PGCKA1: variants seen among roughly 807,000 people sequenced by gnomAD.
PGCKA1 encodes the protein PDCD10 and GCKIII kinases associated 1.
At chr4:37,540,198 T>C in the PGCKA1 span, among the ~76,000 whole-genome samples, 1 of 152,230 alleles carries the variant, frequency 6.6e-6, no homozygotes, top group East Asian at 1.9e-4. Context: ...CTTATATGTA[T>C]TTGTGCATGC....
the PGCKA1 span, among the ~76,000 whole-genome samples, chr4:37,589,608 C>G: frequency 6.6e-6 from 1 of 152,158 alleles, no homozygotes; most frequent in Non-Finnish European, 1.5e-5. Flanking sequence ...CCTTTTGGCT[C>G]TCTTCTTAAG....
the PGCKA1 span, among the ~76,000 whole-genome samples, chr4:37,587,360 G>A: frequency 6.6e-6 from 1 of 152,182 alleles, no homozygotes; most frequent in Admixed American, 6.5e-5. Flanking sequence ...CCAGGGATTA[G>A]GATGTGGATA....
the PGCKA1 span, among the ~76,000 whole-genome samples, chr4:37,528,617 T>TA: frequency 4.6e-5 from 7 of 151,092 alleles, no homozygotes; most frequent in Admixed American, 1.3e-4. Context: ...TTTTAAAAAC[T>TA]AAAAAAAAAG....
the PGCKA1 span, among the ~76,000 whole-genome samples, chr4:37,537,144 A>G: frequency 6.6e-6 from 1 of 152,280 alleles, no homozygotes; most frequent in Non-Finnish European, 1.5e-5. Flanking sequence ...CTCATAAGAT[A>G]TAGATACTTA....
At chr4:37,457,586 T>G in the PGCKA1 span, among the ~76,000 whole-genome samples, 1 of 152,272 alleles carries the variant, frequency 6.6e-6, no homozygotes, top group Non-Finnish European at 1.5e-5. Flanking sequence ...TTCCCTCATT[T>G]GATAACTGAG....
At chr4:37,561,225 C>T in the PGCKA1 span, among the ~76,000 whole-genome samples, 1 of 152,182 alleles carries the variant, frequency 6.6e-6, no homozygotes, top group African/African-American at 2.4e-5. Flanking sequence ...CCTCTCTGAG[C>T]ATTCTTCCCA....
chr4:37,525,851 A>C, the PGCKA1 span, among the ~76,000 whole-genome samples: 1 of 152,196 alleles, frequency 6.6e-6, no homozygotes, highest in Non-Finnish European at 1.5e-5. Context: ...TCAATAAGCC[A>C]TTAATTTCAT....
chr4:37,460,375 ATGGTATTTC>A, the PGCKA1 span: 1 of 274,416 alleles, frequency 3.6e-6, no homozygotes, highest in Admixed American at 5.1e-5. Context: ...GCTGGGTTGA[ATGGTATTTC>A]TGGTTCTAGA....
chr4:37,496,240 T>C, the PGCKA1 span, among the ~76,000 whole-genome samples: 1 of 152,260 alleles, frequency 6.6e-6, no homozygotes, highest in African/African-American at 2.4e-5. Context: ...TTAGGGTTTT[T>C]ATAGTTTTGA....
chr4:37,572,461 G>A, the PGCKA1 span, among the ~76,000 whole-genome samples: 1 of 152,172 alleles, frequency 6.6e-6, no homozygotes, highest in East Asian at 1.9e-4. Context: ...TCTACCCAGA[G>A]TCCCTAAACA....
At chr4:37,574,943 T>C in the PGCKA1 span, among the ~76,000 whole-genome samples, 1 of 150,498 alleles carries the variant, frequency 6.6e-6, no homozygotes, top group African/African-American at 2.4e-5. Flanking sequence ...GTAAAGGAGC[T>C]CATTCTTTTT....
At chr4:37,477,113 T>C in the PGCKA1 span, among the ~76,000 whole-genome samples, 1 of 152,230 alleles carries the variant, frequency 6.6e-6, no homozygotes, top group Non-Finnish European at 1.5e-5. Flanking sequence ...ACAGCAGCAT[T>C]ATTCATAATA....
the PGCKA1 span, among the ~76,000 whole-genome samples, chr4:37,528,999 A>G: frequency 8.5e-5 from 13 of 152,294 alleles, no homozygotes; most frequent in Non-Finnish European, 1.9e-4. Context: ...CTCAATACTC[A>G]TGGTTAGAGA....
the PGCKA1 span, among the ~76,000 whole-genome samples, chr4:37,465,552 G>A: frequency 1.3e-5 from 2 of 152,110 alleles, no homozygotes; most frequent in African/African-American, 4.8e-5. Flanking sequence ...TCTTGAGCAC[G>A]AGGAGTACCA....
the PGCKA1 span, among the ~76,000 whole-genome samples, chr4:37,540,575 A>G: frequency 6.6e-6 from 1 of 152,250 alleles, no homozygotes; most frequent in African/African-American, 2.4e-5. Context: ...CAATGAAAAG[A>G]TATTTCCTTG....
the PGCKA1 span, among the ~76,000 whole-genome samples, chr4:37,533,951 G>A: frequency 6.6e-6 from 1 of 152,142 alleles, no homozygotes; most frequent in Non-Finnish European, 1.5e-5. Flanking sequence ...TATTTTCTTA[G>A]GATGTCCATT....
chr4:37,463,099 C>T, the PGCKA1 span, among the ~76,000 whole-genome samples: 1 of 152,016 alleles, frequency 6.6e-6, no homozygotes, highest in East Asian at 1.9e-4. Flanking sequence ...AAAGGATCTC[C>T]CATAAGTTGG....
At chr4:37,508,380 T>C in the PGCKA1 span, among the ~76,000 whole-genome samples, 1 of 152,118 alleles carries the variant, frequency 6.6e-6, no homozygotes, top group Non-Finnish European at 1.5e-5. Flanking sequence ...ATCTCGTAGG[T>C]ATGCTTCATT....
the PGCKA1 span, chr4:37,590,430 T>G: frequency 1.9e-6 from 3 of 1,611,400 alleles, no homozygotes; most frequent in Non-Finnish European, 2.5e-6. Flanking sequence ...CCTGGGCCAG[T>G]ACTGCAAATA....
Sources: gnomAD v4.1 joint callset for allele counts (sites outside exome capture counted in the v4.1 genomes callset) on GRCh38, gnomAD v4.1.1 for gene constraint, MANE v1.5 for transcripts, NCBI Gene and HGNC (gene_info 2026-07-23, HGNC 2026-07-21) for gene names.